The following COL11A1 variants were observed in gnomAD, a reference collection of about 807,000 sequenced individuals.
COL11A1 encodes collagen type XI alpha 1 chain.
In COL11A1, 74 loss-of-function variants were observed where a neutral mutation model predicts 265.2. The ratio of observed to expected loss-of-function variants is 0.28; its 90% CI spans 0.23 to 0.34. The LOEUF (loss-of-function observed/expected upper bound fraction) is 0.34. Among genes scored for constraint, COL11A1 ranks in the 10% least tolerant of loss-of-function variants. COL11A1 has a pLI of 1.00. For missense variants in COL11A1, 2,165 were observed against 2,263.6 expected, an observed-to-expected ratio of 0.96 and a Z score of 0.88; for synonymous variants, 816 against 727.6, an observed-to-expected ratio of 1.12 and a Z score of -1.96.
intron 46 of COL11A1, among the ~76,000 whole-genome samples, chr1:102,932,987 C>A (rs10782913): frequency 0.91 from 108,836 of 119,718 alleles, 50,135 homozygotes; most frequent in East Asian, 1. Context: ...CTAGTTATAC[C>A]TTCTTCTAAA....
intron 41 of COL11A1, among the ~76,000 whole-genome samples, chr1:102,953,045 C>T (rs1055840099): frequency 1.3e-5 from 2 of 152,162 alleles, no homozygotes; most frequent in Admixed American, 6.5e-5. Flanking sequence ...CCTTGAGAAA[C>T]TCACATTGTG....
At chr1:102,967,482 C>T (rs111471563) in intron 37 of COL11A1, among the ~76,000 whole-genome samples, 3,157 of 151,944 alleles carry the variant, frequency 0.021, 108 homozygotes, top group African/African-American at 0.072. Flanking sequence ...CTTCGTGATC[C>T]GCCCGCCTCG....
chr1:103,027,157 TTTAA>T (rs1393275049), intron 5 of COL11A1, among the ~76,000 whole-genome samples: 2 of 151,192 alleles, frequency 1.3e-5, no homozygotes, highest in Non-Finnish European at 3.0e-5. Flanking sequence ...ATTAAAAGAT[TTTAA>T]TTAAGGAGAG....
Position 102,968,448 on chromosome 1 carries a change from C to A in COL11A1, c.2862+1771G>T, listed in dbSNP as rs144405177. The stretch of plus-strand genomic sequence containing the variant: ...CACCAGGAAAAATTGGGAATAGTTT[C>A]TATTATACTGAAACAACCCAAATGA... On this transcript the variant is annotated intron_variant, in intron 37 of 66. Coordinates refer to ENST00000370096, the MANE Select transcript of COL11A1 (RefSeq NM_001854.4). 2.0e-4 allele frequency among the ~76,000 whole-genome samples: 30 copies of A among 152,266 alleles called. No individual in the cohort carries two copies. In the East Asian group the frequency reaches 5.8e-3, roughly 29 times the overall value.
chr1:103,042,049 C>A (rs1449979703), intron 4 of COL11A1, among the ~76,000 whole-genome samples: 2 of 151,860 alleles, frequency 1.3e-5, no homozygotes, highest in Non-Finnish European at 2.9e-5. Flanking sequence ...AATTATATTT[C>A]TCCTATAACT....
chr1:102,945,950 G>A (rs1470892700), intron 42 of COL11A1, among the ~76,000 whole-genome samples: 1 of 148,786 alleles, frequency 6.7e-6, no homozygotes, highest in Non-Finnish European at 1.5e-5. Context: ...ATGATAGACT[G>A]GATTAAGAAA....
intron 37 of COL11A1, 61 bp from the exon 38 acceptor site, chr1:102,965,601 C>T: frequency 7.4e-7 from 1 of 1,354,658 alleles, no homozygotes; most frequent in Non-Finnish European, 1.1e-6. Context: ...AATCAAAATT[C>T]TATGAGATAG....
chr1:102,997,887 A>T (rs972592037), intron 25 of COL11A1, among the ~76,000 whole-genome samples: 1 of 151,994 alleles, frequency 6.6e-6, no homozygotes, highest in Non-Finnish European at 1.5e-5. Flanking sequence ...AATGGTGAGG[A>T]ACTTCACCTG....
At chr1:102,964,964 T>C (rs1270846886) in intron 38 of COL11A1, among the ~76,000 whole-genome samples, 1 of 152,202 alleles carries the variant, frequency 6.6e-6, no homozygotes, top group Non-Finnish European at 1.5e-5. Context: ...ACTTGTCTTT[T>C]CCACTATTTT....
intron 41 of COL11A1, among the ~76,000 whole-genome samples, chr1:102,954,710 G>A (rs1261687164): frequency 2.0e-5 from 3 of 152,174 alleles, no homozygotes; most frequent in South Asian, 2.1e-4. Context: ...CCGGGTTGGT[G>A]GTGGGTGCCT....
intron 57 of COL11A1, 84 bp downstream of exon 57, chr1:102,898,041 A>G: frequency 1.2e-6 from 1 of 835,612 alleles, no homozygotes; most frequent in Non-Finnish European, 1.9e-6. Context: ...CTATTTATAA[A>G]CTAAAATGTC....
intron 30 of COL11A1, among the ~76,000 whole-genome samples, chr1:102,985,249 T>C (rs1663423633): frequency 6.6e-6 from 1 of 152,058 alleles, no homozygotes; most frequent in African/African-American, 2.4e-5. Context: ...GTATGTGCAT[T>C]GATAAAAGAT....
At chr1:103,009,836 A>T (rs906648742) in intron 14 of COL11A1, among the ~76,000 whole-genome samples, 1 of 152,186 alleles carries the variant, frequency 6.6e-6, no homozygotes, top group Admixed American at 6.5e-5. Context: ...AAATTAAGAG[A>T]ATAATGACTT....
chr1:102,887,814 A>T (rs1204173850), intron 62 of COL11A1, among the ~76,000 whole-genome samples: 1 of 152,154 alleles, frequency 6.6e-6, no homozygotes, highest in South Asian at 2.1e-4. Context: ...AAATTTAAAC[A>T]CAGATACACC....
At chr1:103,017,646 C>T (rs531693096) in intron 11 of COL11A1, among the ~76,000 whole-genome samples, 174 bp downstream of exon 11, 1 of 152,104 alleles carries the variant, frequency 6.6e-6, no homozygotes, top group Non-Finnish European at 1.5e-5. Flanking sequence ...TTGTTTTCCT[C>T]ACTTCAAAAT....
intron 3 of COL11A1, among the ~76,000 whole-genome samples, chr1:103,078,054 C>A (rs1320374886): frequency 6.6e-6 from 1 of 152,060 alleles, no homozygotes; most frequent in Non-Finnish European, 1.5e-5. Context: ...AAACGTAAGT[C>A]AAATTAGATC....
At chr1:102,985,269 C>A (rs1663425799) in intron 30 of COL11A1, among the ~76,000 whole-genome samples, 1 of 151,738 alleles carries the variant, frequency 6.6e-6, no homozygotes, top group African/African-American at 2.4e-5. Flanking sequence ...TGAACAGAAG[C>A]TTATAAATAA....
chr1:102,892,408 G>A (rs1223979191), intron 57 of COL11A1, among the ~76,000 whole-genome samples: 1 of 152,082 alleles, frequency 6.6e-6, no homozygotes, highest in Admixed American at 6.6e-5. Context: ...TGAATTTAAA[G>A]CCTTAAGAAC....
intron 5 of COL11A1, among the ~76,000 whole-genome samples, chr1:103,028,395 CG>C (rs1162148144): frequency 2.0e-5 from 3 of 152,060 alleles, no homozygotes; most frequent in Admixed American, 6.6e-5. Flanking sequence ...CAGCTTCCTC[CG>C]TGTGGTGGTC....
Sources: allele counts gnomAD v4.1 joint callset (sites outside exome capture counted in the v4.1 genomes callset), GRCh38; gene constraint gnomAD v4.1.1; transcripts MANE v1.5; gene names NCBI Gene and HGNC (gene_info 2026-07-23, HGNC 2026-07-21).